Variants in HELLS observed in about 807,000 individuals in gnomAD.
HELLS encodes the protein helicase, lymphoid specific, also known as lymphoid-specific helicase.
In HELLS, 32 loss-of-function variants were observed where a neutral mutation model predicts 120.0. That is an observed-to-expected ratio of 0.27 (90% CI 0.20 to 0.36). The LOEUF is 0.36. HELLS is among the 10% of genes least tolerant of loss of function. The pLI is 1.00. For missense variants in HELLS, 650 were observed against 993.4 expected, an observed-to-expected ratio of 0.65 and a Z score of 4.65; for synonymous variants, 341 against 323.4, an observed-to-expected ratio of 1.05 and a Z score of -0.58.
chr10:94,599,538 G>A (rs1489558224), intron 21 of HELLS, among the ~76,000 whole-genome samples: 2 of 151,984 alleles, frequency 1.3e-5, no homozygotes, highest in Non-Finnish European at 2.9e-5. Flanking sequence ...TGTGTATTTT[G>A]TAGAGACAGG....
At chr10:94,582,851 T>A (rs1844943105) in intron 11 of HELLS, 112 bp from the exon 12 acceptor site, 2 of 564,882 alleles carry the variant, frequency 3.5e-6, no homozygotes. Flanking sequence ...AAGGATTTGA[T>A]GCAACAATAC....
intron 19 of HELLS, among the ~76,000 whole-genome samples, chr10:94,595,631 T>G (rs926467967): frequency 6.6e-6 from 1 of 152,154 alleles, no homozygotes; most frequent in African/African-American, 2.4e-5. Flanking sequence ...CTTTTTAATC[T>G]AGAAAAAATT....
intron 9 of HELLS, 85 bp downstream of exon 9, chr10:94,574,821 T>A (rs7079934): frequency 1.0e-6 from 1 of 996,770 alleles, no homozygotes; most frequent in Non-Finnish European, 1.5e-6. Flanking sequence ...TGTAGAACTC[T>A]TATAATTATA....
intron 2 of HELLS, 142 bp from the exon 3 acceptor site, chr10:94,553,984 A>T (rs1843114221): frequency 1.5e-6 from 1 of 670,658 alleles, no homozygotes; most frequent in East Asian, 3.3e-5. Flanking sequence ...TTTTTTTTTT[A>T]ACAGTTATTT....
chr10:94,571,370 GT>G lies in HELLS; in HGVS notation c.436-14del. On this transcript the variant is annotated splice_polypyrimidine_tract_variant and intron_variant, in intron 6 of 21. Coordinates refer to ENST00000348459, the MANE Select transcript of HELLS (RefSeq NM_018063.5). ...CTTCATACATTATTAATTTGTTTTT[GT>G]TTTCTCAAACTACTAGGAAATTTTG... The G allele has an allele frequency of 6.9e-7, 1 of 1,454,190 alleles. No homozygotes were observed. The highest frequency in any genetic ancestry group is 9.5e-7 in the Non-Finnish European group (1 of 1,052,316). The allele number at this position is 1,454,190 out of a possible 1,614,324, so 90.1% of individuals were successfully genotyped here.
chr10:94,592,719 A>G (rs564797575), intron 17 of HELLS, among the ~76,000 whole-genome samples: 3 of 151,720 alleles, frequency 2.0e-5, no homozygotes, highest in South Asian at 2.1e-4. Flanking sequence ...TTCTGGCACA[A>G]TCTTATTAAT....
At chr10:94,568,026 C>T (rs551875733) in intron 6 of HELLS, among the ~76,000 whole-genome samples, 133 of 151,162 alleles carry the variant, frequency 8.8e-4, no homozygotes, top group African/African-American at 3.1e-3. Context: ...TCTCCTGCCT[C>T]AGCATCCTGA....
intron 13 of HELLS, among the ~76,000 whole-genome samples, chr10:94,588,966 G>A (rs1258204779): frequency 6.6e-6 from 1 of 152,106 alleles, no homozygotes; most frequent in African/African-American, 2.4e-5. Flanking sequence ...GACCAACATG[G>A]AGAAAACCCT....
rs112571650 is a variant in HELLS at position 94,567,348 on chromosome 10, G to A, written c.436-4040G>A. Among the ~76,000 whole-genome samples, 456 of 152,212 alleles carry A rather than the reference G, an allele frequency of 3.0e-3. 2 individuals carry two copies. The highest frequency in any genetic ancestry group is 0.011 in the African/African-American group (439 of 41,546). On this transcript the variant is annotated intron_variant, in intron 6 of 21. Transcript: ENST00000348459. ...AGTTTTGCTCTTGTTGCCCAGGCTG[G>A]AGTGCAATGGCGCCATCTCGGCTCA...
rs1039725615 is a variant in HELLS at position 94,553,768 on chromosome 10, G to A, written c.154-358G>A. 8.0e-5 allele frequency among the ~76,000 whole-genome samples: 12 copies of A among 149,746 alleles called. No homozygotes were observed. In the South Asian group the frequency reaches 1.9e-3, roughly 24 times the overall value. On this transcript the variant is annotated intron_variant, in intron 2 of 21. Coordinates refer to ENST00000348459, the MANE Select transcript of HELLS (RefSeq NM_018063.5). ...TCTCCATGTTGGTCCGGCTGGTCTCGAACCCCCGACCTCAGGTGATCCGCC... is the reference window on the plus strand; with the variant it reads ...TCTCCATGTTGGTCCGGCTGGTCTCAAACCCCCGACCTCAGGTGATCCGCC...
chr10:94,561,310 T>C (rs1435971475), intron 4 of HELLS, among the ~76,000 whole-genome samples: 9 of 152,114 alleles, frequency 5.9e-5, no homozygotes, highest in Non-Finnish European at 1.2e-4. Flanking sequence ...GAAGAACATG[T>C]TTTTATTTAT....
chr10:94,601,738 A>G lies in HELLS; in HGVS notation c.*116A>G. ...TTTTTTATTATATCAGTTGACATGT[A>G]ACTAGTACCATGCGTACTTAAATAG... On this transcript the variant is annotated 3_prime_UTR_variant, in exon 22 of 22. Transcript: ENST00000348459. 1.8e-6 allele frequency: 1 copy of G among 567,262 alleles called. No homozygotes were observed. The highest frequency in any genetic ancestry group is 3.1e-6 in the Non-Finnish European group (1 of 318,020). 35.1% of individuals were successfully genotyped at this position (567,262 alleles called of 1,614,324 possible).
chr10:94,582,674 T>G (rs74150833), intron 11 of HELLS, among the ~76,000 whole-genome samples: 1,817 of 152,252 alleles, frequency 0.012, 54 homozygotes, highest in African/African-American at 0.042. Flanking sequence ...AATATATACC[T>G]TAATCTTATT....
chr10:94,585,885 A>T (rs1470746853), intron 12 of HELLS, among the ~76,000 whole-genome samples: 2 of 151,754 alleles, frequency 1.3e-5, no homozygotes, highest in Admixed American at 1.3e-4. Flanking sequence ...TTTTTGGTAG[A>T]TGGGTCTTGT....
downstream of HELLS, among the ~76,000 whole-genome samples, chr10:94,606,322 A>G (rs1445778611): frequency 6.6e-6 from 1 of 151,690 alleles, no homozygotes; most frequent in Non-Finnish European, 1.5e-5. Context: ...TGTCTTTTGA[A>G]TGTGTGGTCC....
chr10:94,584,806 A>G (rs1469215444), intron 12 of HELLS, among the ~76,000 whole-genome samples: 5 of 152,138 alleles, frequency 3.3e-5, no homozygotes, highest in Non-Finnish European at 7.4e-5. Flanking sequence ...AGATATGATA[A>G]TGAACTTTTA....
rs557505812 is a variant in HELLS, at chr10:94,597,223, T to G, written c.2422+112T>G. 8.5e-6 allele frequency: 5 copies of G among 587,208 alleles called. No individual in the cohort carries two copies. In the East Asian group the frequency reaches 8.7e-5, roughly 10 times the overall value. The allele number at this position is 587,208 out of a possible 1,614,324, so 36.4% of individuals were successfully genotyped here. A position where few individuals can be genotyped will look rare whatever the true frequency, so the allele number is the denominator to read the frequency against. On this transcript the variant is annotated intron_variant, in intron 21 of 21. Transcript: ENST00000348459. Reference sequence around the variant, plus strand: ...GCCACATGTATCCAATCTTGTTTTATTGTCATTTTTCTTCTTAGAGTATTA... The same window carrying G: ...GCCACATGTATCCAATCTTGTTTTAGTGTCATTTTTCTTCTTAGAGTATTA...
intron 12 of HELLS, among the ~76,000 whole-genome samples, chr10:94,584,891 A>C (rs1000377220): frequency 4.6e-5 from 7 of 152,100 alleles, no homozygotes; most frequent in African/African-American, 1.7e-4. Context: ...TATTCTCTGT[A>C]ATACTGTGCT....
intron 12 of HELLS, among the ~76,000 whole-genome samples, chr10:94,586,622 A>G (rs117671702): frequency 0.028 from 4,248 of 152,302 alleles, 93 homozygotes; most frequent in South Asian, 0.045. Flanking sequence ...TGATTACTAT[A>G]TGTAAACCAT....
Sources: allele counts gnomAD v4.1 joint callset (sites outside exome capture counted in the v4.1 genomes callset), GRCh38; gene constraint gnomAD v4.1.1; transcripts MANE v1.5; gene names NCBI Gene and HGNC (gene_info 2026-07-23, HGNC 2026-07-21).